Variants in MID1 observed in about 807,000 individuals in gnomAD.
MID1 encodes E3 ubiquitin-protein ligase Midline-1.
Under a neutral mutation model 40.4 loss-of-function variants are expected in MID1, and 7 were observed. The observed-to-expected ratio is 0.17, with a 90% confidence interval of 0.10 to 0.33. The LOEUF (loss-of-function observed/expected upper bound fraction) is 0.33. Among genes scored for constraint, MID1 ranks in the 10% least tolerant of loss-of-function variants. MID1 has a pLI of 1.00. For missense variants in MID1, 367 were observed against 558.5 expected (o/e 0.66, Z 3.46); for synonymous variants, 229 against 221.2 (o/e 1.04, Z -0.31).
At chrX:10,746,243 C>A (rs1336931784) in intron 1 of MID1, among the ~76,000 whole-genome samples, 1 of 111,540 alleles carries the variant, frequency 9.0e-6, no homozygotes, top group African/African-American at 3.3e-5. Flanking sequence ...GACGTAGCAG[C>A]CTTAACCTTC....
intron 2 of MID1, among the ~76,000 whole-genome samples, chrX:10,550,890 T>G (rs915179014): frequency 1.6e-4 from 18 of 110,989 alleles, no homozygotes; most frequent in African/African-American, 5.9e-4. Flanking sequence ...TCATGATACC[T>G]TACCATCCTG....
At chrX:10,633,803 C>G (rs751148449) in intron 1 of MID1, among the ~76,000 whole-genome samples, 1 of 111,751 alleles carries the variant, frequency 8.9e-6, no homozygotes, top group Admixed American at 9.5e-5. Context: ...TCCTGTTAAT[C>G]TATCTTTTGT....
intron 9 of MID1, among the ~76,000 whole-genome samples, chrX:10,453,426 GATTTT>G (rs1257317871): frequency 8.9e-6 from 1 of 112,020 alleles, no homozygotes; most frequent in African/African-American, 3.2e-5. Flanking sequence ...TTTGAATGTT[GATTTT>G]ATTTTTTAAA....
chrX:10,797,700 A>G (rs1322963330), intron 1 of MID1, among the ~76,000 whole-genome samples: 1 of 111,987 alleles, frequency 8.9e-6, no homozygotes. Context: ...CCTGATGTCA[A>G]AGTAAACATA....
intron 1 of MID1, among the ~76,000 whole-genome samples, chrX:10,643,155 A>T (rs7052543): frequency 0.13 from 14,803 of 110,207 alleles, 1,730 homozygotes; most frequent in African/African-American, 0.37. Context: ...AAAGCCAAAA[A>T]TGACAAATGG....
At chrX:10,735,302 A>G (rs979869036) in intron 1 of MID1, among the ~76,000 whole-genome samples, 2 of 111,587 alleles carry the variant, frequency 1.8e-5, no homozygotes, top group African/African-American at 6.5e-5. Context: ...GGGTTTCTCC[A>G]TGTTGGCCAG....
chrX:10,667,660 G>C, intron 1 of MID1, among the ~76,000 whole-genome samples: 1 of 111,394 alleles, frequency 9.0e-6, no homozygotes, highest in Middle Eastern at 4.6e-3. Flanking sequence ...CGGAGACCTA[G>C]CATTTGTGAA....
intron 4 of MID1, among the ~76,000 whole-genome samples, chrX:10,494,792 A>G (rs1160355956): frequency 1.9e-5 from 2 of 106,472 alleles, no homozygotes; most frequent in Non-Finnish European, 3.9e-5. Flanking sequence ...AAAAAAAAAA[A>G]GAAGAAGAAA....
At chrX:10,758,934 C>T (rs762147123) in intron 1 of MID1, among the ~76,000 whole-genome samples, 4 of 112,031 alleles carry the variant, frequency 3.6e-5, no homozygotes, top group African/African-American at 1.3e-4. Flanking sequence ...ATGAAGCAAA[C>T]AATTTAAAAT....
At chrX:10,529,849 T>A (rs983337210) in intron 2 of MID1, among the ~76,000 whole-genome samples, 1 of 112,468 alleles carries the variant, frequency 8.9e-6, no homozygotes, top group Non-Finnish European at 1.9e-5. Flanking sequence ...TATGCAATGA[T>A]ATTTCCAATT....
At chrX:10,802,996 T>C (rs138306737) in intron 1 of MID1, among the ~76,000 whole-genome samples, 1,322 of 110,592 alleles carry the variant, frequency 0.012, 10 homozygotes, top group Non-Finnish European at 0.02. Flanking sequence ...TACATAAATA[T>C]GGGAACAATA....
chrX:10,465,210 T>TACACACACAC (rs1402990604), intron 7 of MID1, among the ~76,000 whole-genome samples: 4 of 62,041 alleles, frequency 6.4e-5, no homozygotes, highest in African/African-American at 3.7e-4. Context: ...TATATATATA[T>TACACACACAC]ATATACACAC....
At position 10,567,272 on chromosome X, in the gene MID1, G is replaced by A. The variant is rs769044583; in HGVS notation, c.276C>T (p.Ser92=). The change falls in exon 2 of 10, where the codon AGC becomes AGT. Residue 92 remains serine (S), a synonymous_variant. Coordinates refer to ENST00000317552, the MANE Select transcript of MID1 (RefSeq NM_000381.4). Reference sequence around the variant, plus strand: ...GGGTCTCGCTGGGAGAGTTGGGCCCGCTCACTGATGCTTTCTGGAACCTGT... The same window carrying A: ...GGGTCTCGCTGGGAGAGTTGGGCCCACTCACTGATGCTTTCTGGAACCTGT... The part of the protein sequence containing the change: ...IIDRFQKASV[S]GPNSPSETRR... 5 of 1,201,047 alleles carry A rather than the reference G, an allele frequency of 4.2e-6. No individual in the cohort carries two copies. The highest frequency in any genetic ancestry group is 3.6e-5 in the South Asian group (2 of 55,349).
At chrX:10,830,422 G>A (rs1184020552) in intron 1 of MID1, among the ~76,000 whole-genome samples, 2 of 112,126 alleles carry the variant, frequency 1.8e-5, no homozygotes, top group Non-Finnish European at 3.8e-5. Context: ...ACTTAGCATA[G>A]GACTTCAAAA....
chrX:10,700,899 A>T (rs1324929452), intron 1 of MID1, among the ~76,000 whole-genome samples: 3 of 112,321 alleles, frequency 2.7e-5, no homozygotes, highest in Non-Finnish European at 5.6e-5. Flanking sequence ...GCCATCTACA[A>T]ACAATGTTGA....
intron 1 of MID1, among the ~76,000 whole-genome samples, chrX:10,613,766 G>GAGACAGAC (rs1328764093): frequency 2.6e-5 from 2 of 75,806 alleles, no homozygotes; most frequent in African/African-American, 1.2e-4. Flanking sequence ...GAGAGAGAGA[G>GAGACAGAC]AGACAGACAG....
At chrX:10,697,124 C>A (rs1381385640) in intron 1 of MID1, among the ~76,000 whole-genome samples, 1 of 111,653 alleles carries the variant, frequency 9.0e-6, no homozygotes, top group Non-Finnish European at 1.9e-5. Flanking sequence ...ATTGGAGATT[C>A]CTTTAATTCA....
At chrX:10,501,307 T>C in intron 3 of MID1, 1 of 820,869 alleles carries the variant, frequency 1.2e-6, no homozygotes, top group Non-Finnish European at 1.7e-6. Context: ...TCACCTCAAG[T>C]ACACTCATGA....
intron 4 of MID1, among the ~76,000 whole-genome samples, chrX:10,488,291 C>T (rs755582796): frequency 2.7e-5 from 3 of 111,324 alleles, no homozygotes; most frequent in Non-Finnish European, 3.8e-5. Context: ...GTCTCACCTA[C>T]AAGTTTTGTA....
Sources: gnomAD v4.1 joint callset for allele counts (sites outside exome capture counted in the v4.1 genomes callset) on GRCh38, gnomAD v4.1.1 for gene constraint, MANE v1.5 for transcripts, NCBI Gene and HGNC (gene_info 2026-07-23, HGNC 2026-07-21) for gene names.